The following ARHGEF4 variants were observed in gnomAD, a reference collection of about 807,000 sequenced individuals.
ARHGEF4 encodes the protein Rho guanine nucleotide exchange factor 4.
ARHGEF4 carries 119 observed loss-of-function variants against 162.0 expected under a neutral mutation model. That is an observed-to-expected ratio of 0.73 (90% CI 0.63 to 0.86). ARHGEF4 has a LOEUF of 0.86. Ranked by LOEUF, ARHGEF4 falls within the 40% of genes least tolerant of loss-of-function variation. The pLI is 0.00. For missense variants in ARHGEF4, 2,488 were observed against 2,456.0 expected (o/e 1.01, Z -0.28); for synonymous variants, 1,014 against 979.9 (o/e 1.03, Z -0.65).
chr2:130,883,281 T>C (rs1046700242), intron 1 of ARHGEF4, among the ~76,000 whole-genome samples: 1 of 152,090 alleles, frequency 6.6e-6, no homozygotes, highest in Non-Finnish European at 1.5e-5. Flanking sequence ...GCCGTTTTCC[T>C]GCTTCCCTGC....
intron 4 of ARHGEF4, among the ~76,000 whole-genome samples, chr2:130,985,427 C>T (rs1406932042): frequency 2.6e-5 from 4 of 152,120 alleles, no homozygotes; most frequent in Non-Finnish European, 2.9e-5. Context: ...AGGCTATAAT[C>T]GGGTGCTGCA....
chr2:130,850,142 C>A (rs1010813255), intron 1 of ARHGEF4, among the ~76,000 whole-genome samples: 3 of 152,108 alleles, frequency 2.0e-5, no homozygotes, highest in Non-Finnish European at 2.9e-5. Context: ...AAGCAGCCCA[C>A]GTTTCTAGGG....
intron 11 of ARHGEF4, 130 bp downstream of exon 11, chr2:131,043,713 GGGCTGGGATGGGGTGGCTCTCTGCAGGT>G (rs138816580): frequency 0.14 from 184,542 of 1,346,600 alleles, 13,949 homozygotes; most frequent in African/African-American, 0.26. Flanking sequence ...CAGACCCTTG[GGGCTGGGATGGGGTGGCTCTCTGCAGGT>G]GAGCCTGGTG....
chr2:130,932,306 A>G (rs1682684368), intron 3 of ARHGEF4, among the ~76,000 whole-genome samples: 1 of 152,172 alleles, frequency 6.6e-6, no homozygotes, highest in Non-Finnish European at 1.5e-5. Context: ...CCATACATCC[A>G]TTCCTGAGTA....
At chr2:131,027,829 G>A (rs959920450) in intron 4 of ARHGEF4, 116 bp from the exon 5 acceptor site, 35 of 1,281,262 alleles carry the variant, frequency 2.7e-5, no homozygotes, top group East Asian at 7.2e-5. Context: ...CAACCTGCAC[G>A]CTCCCCCTGC....
intron 11 of ARHGEF4, 140 bp downstream of exon 11, chr2:131,043,723 G>A: frequency 1.1e-6 from 1 of 937,932 alleles, no homozygotes; most frequent in Non-Finnish European, 1.4e-6. Flanking sequence ...GGGCTGGGAT[G>A]GGGTGGCTCT....
chr2:130,999,219 C>G (rs1489672462), intron 4 of ARHGEF4, among the ~76,000 whole-genome samples: 2 of 145,648 alleles, frequency 1.4e-5, no homozygotes, highest in East Asian at 2.0e-4. Flanking sequence ...AGTGCAGTGG[C>G]GCGATCTTGG....
At chr2:131,018,016 T>C (rs1490784171) in intron 4 of ARHGEF4, among the ~76,000 whole-genome samples, 1 of 152,108 alleles carries the variant, frequency 6.6e-6, no homozygotes, top group African/African-American at 2.4e-5. Flanking sequence ...CAAAAAAGAA[T>C]AGCTAAAACA....
Position 131,024,597 on chromosome 2 carries a change from TA to T in ARHGEF4, c.3986-3347del, listed in dbSNP as rs148765227. On this transcript the variant is annotated intron_variant, in intron 4 of 13. Transcript: ENST00000409359. ...CCAATAAAAACATATTTTAAGACCC[TA>T]GGGGAGAAGGTATGGCAATTTGACA... Among the ~76,000 whole-genome samples, 783 of 152,268 alleles carry T rather than the reference TA, an allele frequency of 5.1e-3. 7 individuals carry two copies. The highest frequency in any genetic ancestry group is 0.018 in the African/African-American group (756 of 41,560).
intron 4 of ARHGEF4, among the ~76,000 whole-genome samples, chr2:130,949,644 A>G (rs1277393433): frequency 6.7e-6 from 1 of 150,236 alleles, no homozygotes; most frequent in Admixed American, 6.6e-5. Context: ...ATGAGCCACC[A>G]TGCCCGGCCT....
At chr2:130,875,831 A>T (rs978318786) in intron 1 of ARHGEF4, among the ~76,000 whole-genome samples, 3 of 151,968 alleles carry the variant, frequency 2.0e-5, no homozygotes, top group Admixed American at 6.5e-5. Context: ...GCAGCCTCCT[A>T]ACATATTTTG....
chr2:130,886,543 T>C (rs2104975127), intron 1 of ARHGEF4, among the ~76,000 whole-genome samples: 1 of 151,960 alleles, frequency 6.6e-6, no homozygotes, highest in Non-Finnish European at 1.5e-5. Flanking sequence ...TAGCCAGGCA[T>C]GGTGGCGGGC....
At chr2:130,999,538 GCTTTT>G (rs1425086582) in intron 4 of ARHGEF4, among the ~76,000 whole-genome samples, 5 of 152,150 alleles carry the variant, frequency 3.3e-5, no homozygotes, top group Admixed American at 2.6e-4. Context: ...TCAGTCTGTG[GCTTTT>G]CTTTTCATTC....
At chr2:130,871,014 G>T (rs978743458) in intron 1 of ARHGEF4, among the ~76,000 whole-genome samples, 1 of 152,106 alleles carries the variant, frequency 6.6e-6, no homozygotes, top group Non-Finnish European at 1.5e-5. Flanking sequence ...GTGCTCAGGG[G>T]CTCCCTAGAA....
intron 4 of ARHGEF4, among the ~76,000 whole-genome samples, chr2:130,961,926 T>C (rs1297635379): frequency 6.6e-6 from 1 of 151,996 alleles, no homozygotes; most frequent in East Asian, 1.9e-4. Flanking sequence ...GTGGGAGAAC[T>C]GCTCTTCCCA....
chr2:131,001,340 G>C (rs886651225), intron 4 of ARHGEF4, among the ~76,000 whole-genome samples: 2 of 147,750 alleles, frequency 1.4e-5, no homozygotes, highest in Non-Finnish European at 3.0e-5. Flanking sequence ...AGAAAGAGCT[G>C]AAGATGGATA....
chr2:130,843,082 T>C (rs1157594288), intron 1 of ARHGEF4, among the ~76,000 whole-genome samples: 1 of 152,214 alleles, frequency 6.6e-6, no homozygotes, highest in African/African-American at 2.4e-5. Context: ...AGAGGATATC[T>C]GCCTCCTTTC....
intron 4 of ARHGEF4, among the ~76,000 whole-genome samples, chr2:131,022,503 T>G (rs1689196447): frequency 6.6e-6 from 1 of 152,168 alleles, no homozygotes; most frequent in Non-Finnish European, 1.5e-5. Context: ...AGTCATGTCT[T>G]ACTTTGCTCA....
chr2:130,907,849 G>A (rs1303993528), intron 1 of ARHGEF4, among the ~76,000 whole-genome samples: 3 of 151,706 alleles, frequency 2.0e-5, no homozygotes, highest in Admixed American at 1.3e-4. Context: ...CCAGCTACTC[G>A]GGAGGCTGAG....
Sources: gnomAD v4.1 joint callset for allele counts (sites outside exome capture counted in the v4.1 genomes callset) on GRCh38, gnomAD v4.1.1 for gene constraint, MANE v1.5 for transcripts, NCBI Gene and HGNC (gene_info 2026-07-23, HGNC 2026-07-21) for gene names.